PTPN1: variants seen among roughly 807,000 people sequenced by gnomAD.
The protein encoded by PTPN1 is protein tyrosine phosphatase non-receptor type 1.
PTPN1 carries 12 observed loss-of-function variants against 59.9 expected under a neutral mutation model. That is an observed-to-expected ratio of 0.20 (90% CI 0.13 to 0.32). PTPN1 has a LOEUF of 0.32. Ranked by LOEUF, PTPN1 falls within the 10% of genes least tolerant of loss-of-function variation. The pLI is 1.00. For synonymous variants in PTPN1, 178 were observed against 203.6 expected (o/e 0.87, Z 1.07); for missense variants, 356 against 549.2 (o/e 0.65, Z 3.52).
intron 1 of PTPN1, among the ~76,000 whole-genome samples, chr20:50,556,903 T>TTA (rs2082728376): frequency 6.6e-6 from 1 of 152,186 alleles, no homozygotes; most frequent in African/African-American, 2.4e-5. Flanking sequence ...CGATATCGCA[T>TTA]TATTTCAGAA....
chr20:50,525,165 T>C (rs1425650163), intron 1 of PTPN1, among the ~76,000 whole-genome samples: 1 of 152,182 alleles, frequency 6.6e-6, no homozygotes, highest in Non-Finnish European at 1.5e-5. Context: ...GTTCAAGCGA[T>C]TCTCCTGCCT....
chr20:50,564,948 G>T, intron 2 of PTPN1, 21 bp from the exon 3 acceptor site: 1 of 1,612,786 alleles, frequency 6.2e-7, no homozygotes, highest in South Asian at 1.1e-5. Context: ...ATTAACCTCT[G>T]AGTTCTGGTT....
At chr20:50,517,411 C>T (rs1330365800) in intron 1 of PTPN1, among the ~76,000 whole-genome samples, 2 of 152,044 alleles carry the variant, frequency 1.3e-5, no homozygotes, top group African/African-American at 2.4e-5. Context: ...TGTGCCATCA[C>T]GCCCAGCTAA....
Position 50,565,077 on chromosome 20 carries a change from G to T in PTPN1, c.255+8G>T. On this transcript the variant is annotated splice_region_variant and intron_variant, in intron 3 of 9. Coordinates refer to ENST00000371621, the MANE Select transcript of PTPN1 (RefSeq NM_002827.4). The stretch of plus-strand genomic sequence containing the variant: ...AGTTACATTCTTACCCAGGTAAGCA[G>T]ATTGTCTGAATTTTCTATTTAATGT... 1.2e-6 allele frequency: 2 copies of T among 1,604,438 alleles called. No individual in the cohort carries two copies. The highest frequency in any genetic ancestry group is 1.7e-6 in the Non-Finnish European group (2 of 1,177,234).
At chr20:50,562,576 G>A (rs567894196) in intron 2 of PTPN1, among the ~76,000 whole-genome samples, 4 of 152,322 alleles carry the variant, frequency 2.6e-5, no homozygotes, top group Admixed American at 2.0e-4. Context: ...AGTACCTCAC[G>A]CAGACATAAG....
At chr20:50,575,562 TG>T (rs879598399) in intron 5 of PTPN1, among the ~76,000 whole-genome samples, 3 of 152,262 alleles carry the variant, frequency 2.0e-5, no homozygotes, top group Non-Finnish European at 2.9e-5. Flanking sequence ...GATCTGCTTC[TG>T]GGTTACCCCA....
chr20:50,559,988 G>T (rs2082744888), intron 1 of PTPN1, among the ~76,000 whole-genome samples: 1 of 152,058 alleles, frequency 6.6e-6, no homozygotes, highest in African/African-American at 2.4e-5. Flanking sequence ...CCTTGAGCAG[G>T]TGTAAGGAGC....
intron 1 of PTPN1, among the ~76,000 whole-genome samples, chr20:50,519,640 T>C (rs951576046): frequency 6.6e-6 from 1 of 152,210 alleles, no homozygotes; most frequent in Non-Finnish European, 1.5e-5. Context: ...ACTTAAGAAC[T>C]GCATGGTACA....
At chr20:50,517,017 CT>C (rs1375719108) in intron 1 of PTPN1, among the ~76,000 whole-genome samples, 2 of 152,142 alleles carry the variant, frequency 1.3e-5, no homozygotes, top group Non-Finnish European at 2.9e-5. Context: ...CTGCCCTCTC[CT>C]TTTTCAAAGC....
Position 50,574,630 on chromosome 20 carries a change from A to G in PTPN1, c.468A>G (p.Arg156=). ...ATATCAAGTCATATTATACAGTGCG[A>G]CAGCTAGAATTGGAAAACCTTACAG... ...SEDIKSYYTV[R]QLELENLTTQ... The change falls in exon 5 of 10, where the codon CGA becomes CGG. Residue 156 remains arginine (R), a synonymous_variant. Transcript: ENST00000371621. 1 of 1,604,034 alleles carries G rather than the reference A, an allele frequency of 6.2e-7. No homozygotes were observed. Among genetic ancestry groups the G allele is most frequent in the African/African-American group, 1.3e-5 (1 of 74,352 alleles).
intron 1 of PTPN1, among the ~76,000 whole-genome samples, chr20:50,542,451 T>C (rs2082657278): frequency 6.6e-6 from 1 of 152,240 alleles, no homozygotes; most frequent in African/African-American, 2.4e-5. Context: ...AAGTTCTTTG[T>C]TCATCCTGAT....
chr20:50,536,466 A>G (rs2082624592), intron 1 of PTPN1, among the ~76,000 whole-genome samples: 1 of 152,186 alleles, frequency 6.6e-6, no homozygotes, highest in South Asian at 2.1e-4. Context: ...TAAAAGATGC[A>G]ATGCAAGTGT....
intron 1 of PTPN1, among the ~76,000 whole-genome samples, chr20:50,559,180 C>T (rs898808564): frequency 1.3e-5 from 2 of 151,904 alleles, no homozygotes; most frequent in South Asian, 2.1e-4. Context: ...TACAGGTGCC[C>T]GCCACCACGC....
At chr20:50,549,537 G>A (rs983028510) in intron 1 of PTPN1, among the ~76,000 whole-genome samples, 27 of 152,220 alleles carry the variant, frequency 1.8e-4, no homozygotes, top group African/African-American at 6.0e-4. Context: ...GCTGTGGCAG[G>A]GACAGTTACT....
At chr20:50,518,131 C>G (rs1012085836) in intron 1 of PTPN1, among the ~76,000 whole-genome samples, 1 of 152,194 alleles carries the variant, frequency 6.6e-6, no homozygotes, top group Admixed American at 6.5e-5. Flanking sequence ...ATTGGCACTT[C>G]TCTTCCTTTT....
chr20:50,575,941 A>T (rs1282408311), intron 5 of PTPN1, among the ~76,000 whole-genome samples: 1 of 151,976 alleles, frequency 6.6e-6, no homozygotes, highest in Non-Finnish European at 1.5e-5. Flanking sequence ...ATAAATAAAT[A>T]AAAAAAATAG....
intron 1 of PTPN1, among the ~76,000 whole-genome samples, chr20:50,523,205 G>A (rs1461017867): frequency 6.6e-6 from 1 of 152,218 alleles, no homozygotes; most frequent in African/African-American, 2.4e-5. Flanking sequence ...GGAAGATGCA[G>A]CCCCTCATCA....
chr20:50,559,307 C>G (rs1307706660), intron 1 of PTPN1, among the ~76,000 whole-genome samples: 1 of 152,182 alleles, frequency 6.6e-6, no homozygotes, highest in African/African-American at 2.4e-5. Flanking sequence ...TGTCCCTTCT[C>G]ATTTCATGAC....
Position 50,561,350 on chromosome 20 carries a change from T to C in PTPN1, c.64-13T>C. On this transcript the variant is annotated splice_polypyrimidine_tract_variant and intron_variant, in intron 1 of 9. Transcript: ENST00000371621. Reference sequence around the variant, plus strand: ...TCTGACGGTCAGTTAAATGTCTTTATTCTTTTTTGTAGGATATCCGACATG... The same window carrying C: ...TCTGACGGTCAGTTAAATGTCTTTACTCTTTTTTGTAGGATATCCGACATG... 2 of 1,592,610 alleles carry C rather than the reference T, an allele frequency of 1.3e-6. No homozygotes were observed. The highest frequency in any genetic ancestry group is 2.2e-5 in the South Asian group (2 of 89,044).
Sources: gnomAD v4.1 joint callset for allele counts (sites outside exome capture counted in the v4.1 genomes callset) on GRCh38, gnomAD v4.1.1 for gene constraint, MANE v1.5 for transcripts, NCBI Gene and HGNC (gene_info 2026-07-23, HGNC 2026-07-21) for gene names.